The following CD2AP variants were observed in gnomAD, a reference collection of about 807,000 sequenced individuals.
The protein encoded by CD2AP is CD2 associated protein, also known as CD2-associated protein.
A neutral mutation model predicts 85.1 loss-of-function variants in CD2AP; 46 were observed. The ratio of observed to expected loss-of-function variants is 0.54; its 90% CI spans 0.43 to 0.69. The LOEUF is 0.69. Ranked by LOEUF, CD2AP falls within the 30% of genes least tolerant of loss-of-function variation. The pLI is 0.00. For synonymous variants in CD2AP, 255 were observed against 252.9 expected, an observed-to-expected ratio of 1.01 and a Z score of -0.08; for missense variants, 769 against 729.5, an observed-to-expected ratio of 1.05 and a Z score of -0.62.
chr6:47,599,910 T>C (rs1012737361), intron 13 of CD2AP, among the ~76,000 whole-genome samples: 2 of 151,402 alleles, frequency 1.3e-5, no homozygotes, highest in Non-Finnish European at 3.0e-5. Context: ...CTTTTGCTAA[T>C]TTTTTTTTAA....
At chr6:47,556,576 C>T (rs1582555069) in intron 5 of CD2AP, among the ~76,000 whole-genome samples, 1 of 151,636 alleles carries the variant, frequency 6.6e-6, no homozygotes, top group Non-Finnish European at 1.5e-5. Flanking sequence ...CTTGAACCCC[C>T]GACCTCAGGT....
At chr6:47,558,853 G>T (rs996195398) in intron 5 of CD2AP, among the ~76,000 whole-genome samples, 4 of 152,126 alleles carry the variant, frequency 2.6e-5, no homozygotes, top group African/African-American at 9.7e-5. Flanking sequence ...GAGTTACGGA[G>T]GAGTCCTTTT....
intron 15 of CD2AP, 72 bp from the exon 16 acceptor site, chr6:47,609,051 C>G: frequency 8.4e-7 from 1 of 1,187,422 alleles, no homozygotes. Context: ...TGTTTTTCTT[C>G]TTGCTGTTAA....
chr6:47,504,654 G>A (rs1029129008), intron 2 of CD2AP, among the ~76,000 whole-genome samples: 3 of 151,534 alleles, frequency 2.0e-5, no homozygotes, highest in African/African-American at 4.9e-5. Context: ...GTGGAGGGCC[G>A]ACTGTATTTT....
chr6:47,521,821 G>T (rs1028228646), intron 2 of CD2AP, among the ~76,000 whole-genome samples: 4 of 151,928 alleles, frequency 2.6e-5, no homozygotes, highest in African/African-American at 7.3e-5. Context: ...TTCAAGACCA[G>T]CCTGACCAAC....
intron 1 of CD2AP, among the ~76,000 whole-genome samples, chr6:47,490,249 G>A (rs931713277): frequency 1.3e-5 from 2 of 152,162 alleles, no homozygotes; most frequent in Non-Finnish European, 2.9e-5. Flanking sequence ...CTCCCAAAGT[G>A]CTGGGTTTAC....
At chr6:47,620,848 T>C (rs1769724099) in intron 17 of CD2AP, among the ~76,000 whole-genome samples, 1 of 152,208 alleles carries the variant, frequency 6.6e-6, no homozygotes, top group Non-Finnish European at 1.5e-5. Context: ...GATTCTCTGC[T>C]TGGTTGTTGT....
At chr6:47,525,033 G>A (rs1338572467) in intron 2 of CD2AP, among the ~76,000 whole-genome samples, 2 of 151,700 alleles carry the variant, frequency 1.3e-5, no homozygotes, top group African/African-American at 4.8e-5. Context: ...ATGACTTTAA[G>A]TAGTTTTTCC....
Position 47,513,648 on chromosome 6 carries a change from C to T in CD2AP, c.165+10208C>T, listed in dbSNP as rs78892846. ...AATCTCTGCATAGTATTCCATTGTCCGGCTAAGTATTACATATTTTTTGGA... is the reference window on the plus strand; with the variant it reads ...AATCTCTGCATAGTATTCCATTGTCTGGCTAAGTATTACATATTTTTTGGA... On this transcript the variant is annotated intron_variant, in intron 2 of 17. Coordinates refer to ENST00000359314, the MANE Select transcript of CD2AP (RefSeq NM_012120.3). Among the ~76,000 whole-genome samples the T allele has an allele frequency of 8.3e-4, 126 of 151,832 alleles. 3 individuals are homozygous for T. The East Asian group carries it at 0.02, about 24-fold the overall frequency.
At chr6:47,530,419 T>A (rs1463946874) in intron 2 of CD2AP, among the ~76,000 whole-genome samples, 1 of 152,242 alleles carries the variant, frequency 6.6e-6, no homozygotes, top group African/African-American at 2.4e-5. Flanking sequence ...TTTTAATCTA[T>A]ACATTAGTTT....
chr6:47,575,712 G>A (rs1167531089), intron 6 of CD2AP, among the ~76,000 whole-genome samples: 1 of 152,020 alleles, frequency 6.6e-6, no homozygotes, highest in East Asian at 1.9e-4. Flanking sequence ...AAATAATAAG[G>A]TTAAATTACT....
At chr6:47,499,353 T>C (rs535343812) in intron 1 of CD2AP, among the ~76,000 whole-genome samples, 7 of 152,106 alleles carry the variant, frequency 4.6e-5, no homozygotes, top group Non-Finnish European at 1.0e-4. Flanking sequence ...TGTGTATACA[T>C]ACATGTATAC....
At chr6:47,529,200 C>T (rs78651325) in intron 2 of CD2AP, among the ~76,000 whole-genome samples, 1 of 70,812 alleles carries the variant, frequency 1.4e-5, no homozygotes, top group African/African-American at 5.4e-5. Context: ...CCCCCCCCCC[C>T]AACTTATTGC....
chr6:47,503,027 C>T (rs917164364), intron 1 of CD2AP, among the ~76,000 whole-genome samples: 1 of 152,142 alleles, frequency 6.6e-6, no homozygotes, highest in African/African-American at 2.4e-5. Context: ...TTAAGAGTGT[C>T]TGATGGCATG....
At chr6:47,548,472 G>A (rs1050278819) in intron 4 of CD2AP, among the ~76,000 whole-genome samples, 1 of 152,110 alleles carries the variant, frequency 6.6e-6, no homozygotes, top group Non-Finnish European at 1.5e-5. Flanking sequence ...CTGAATTCCT[G>A]TAAAGATACA....
intron 13 of CD2AP, among the ~76,000 whole-genome samples, chr6:47,601,937 A>G (rs988952096): frequency 1.3e-5 from 2 of 151,978 alleles, no homozygotes; most frequent in African/African-American, 4.8e-5. Flanking sequence ...TCCCTTAACT[A>G]ACAATGGAAT....
chr6:47,593,803 G>A (rs972625168), intron 11 of CD2AP, among the ~76,000 whole-genome samples: 1 of 152,056 alleles, frequency 6.6e-6, no homozygotes, highest in East Asian at 1.9e-4. Flanking sequence ...AGTTCCAAAC[G>A]TCCAAGAGAA....
At chr6:47,571,436 G>C (rs1293420441) in intron 5 of CD2AP, among the ~76,000 whole-genome samples, 1 of 152,130 alleles carries the variant, frequency 6.6e-6, no homozygotes, top group Non-Finnish European at 1.5e-5. Flanking sequence ...TTTCTGCCAG[G>C]AGCTAATTTC....
chr6:47,552,560 A>G (rs1767555235), intron 4 of CD2AP, among the ~76,000 whole-genome samples: 1 of 152,066 alleles, frequency 6.6e-6, no homozygotes, highest in Non-Finnish European at 1.5e-5. Context: ...TTGTTGATTG[A>G]TGGGCATTTG....
Sources: allele counts gnomAD v4.1 joint callset (sites outside exome capture counted in the v4.1 genomes callset), GRCh38; gene constraint gnomAD v4.1.1; transcripts MANE v1.5; gene names NCBI Gene and HGNC (gene_info 2026-07-23, HGNC 2026-07-21).